Variants in MOK observed in about 807,000 individuals in gnomAD.
MOK encodes the protein MAPK/MAK/MRK overlapping kinase.
In MOK, 59 loss-of-function variants were observed where a neutral mutation model predicts 54.2. That is an observed-to-expected ratio of 1.09 (90% confidence interval 0.88 to 1.35). MOK has a LOEUF of 1.35. Among genes scored for constraint, MOK ranks in the 40% most tolerant of loss-of-function variants. The pLI is 0.00. For synonymous variants in MOK, 210 were observed against 202.7 expected (o/e 1.04, Z -0.31); for missense variants, 517 against 526.2 (o/e 0.98, Z 0.17).
At chr14:102,298,007 C>T (rs550433599) in intron 1 of MOK, among the ~76,000 whole-genome samples, 7 of 152,336 alleles carry the variant, frequency 4.6e-5, no homozygotes, top group East Asian at 3.9e-4. Flanking sequence ...CAAGCCTCCC[C>T]GAGGAGCACC....
intron 1 of MOK, among the ~76,000 whole-genome samples, chr14:102,297,316 T>C (rs2071539703): frequency 6.8e-6 from 1 of 146,180 alleles, no homozygotes; most frequent in Admixed American, 6.8e-5. Flanking sequence ...CAAGATTACG[T>C]CACTGCACTC....
At chr14:102,252,456 A>G (rs1206346434) in intron 4 of MOK, among the ~76,000 whole-genome samples, 1 of 149,528 alleles carries the variant, frequency 6.7e-6, no homozygotes, top group African/African-American at 2.4e-5. Context: ...ACTCCGTCCA[A>G]AAAAAAAAAA....
intron 1 of MOK, among the ~76,000 whole-genome samples, chr14:102,289,697 C>G (rs569592648): frequency 6.6e-6 from 1 of 152,044 alleles, no homozygotes; most frequent in East Asian, 1.9e-4. Context: ...ACCATGTTGG[C>G]CAGGCTGGTC....
At chr14:102,261,187 G>A (rs541565046) in intron 4 of MOK, among the ~76,000 whole-genome samples, 7 of 149,414 alleles carry the variant, frequency 4.7e-5, no homozygotes, top group African/African-American at 1.7e-4. Context: ...CACCTGGGAG[G>A]CAGAGGTTGC....
intron 1 of MOK, among the ~76,000 whole-genome samples, chr14:102,292,601 G>T (rs1487410225): frequency 6.6e-6 from 1 of 152,122 alleles, no homozygotes; most frequent in Non-Finnish European, 1.5e-5. Flanking sequence ...TCAAGCAGAT[G>T]TCTTTCTTCC....
chr14:102,243,092 T>A (rs1161820165), intron 7 of MOK, among the ~76,000 whole-genome samples: 1 of 152,210 alleles, frequency 6.6e-6, no homozygotes, highest in African/African-American at 2.4e-5. Context: ...CCCTCCCTGC[T>A]AATCATGTCT....
intron 2 of MOK, among the ~76,000 whole-genome samples, chr14:102,267,663 T>C (rs1597449835): frequency 6.6e-6 from 1 of 152,200 alleles, no homozygotes; most frequent in Non-Finnish European, 1.5e-5. Flanking sequence ...GAAAACAGAA[T>C]AGCCTGAAGA....
At chr14:102,219,618 G>A (rs902100170), downstream of MOK, among the ~76,000 whole-genome samples, 3 of 152,244 alleles carry the variant, frequency 2.0e-5, no homozygotes, top group African/African-American at 7.2e-5. Context: ...CTGACGGGCG[G>A]GCTCCAGGGA....
intron 2 of MOK, 107 bp downstream of exon 2, chr14:102,283,371 T>C (rs2069673325): frequency 3.0e-6 from 2 of 662,938 alleles, no homozygotes; most frequent in Non-Finnish European, 5.1e-6. Context: ...AATCTGATTG[T>C]ATCTTACATA....
chr14:102,288,170 T>C (rs2153179202), intron 1 of MOK, among the ~76,000 whole-genome samples: 1 of 152,306 alleles, frequency 6.6e-6, no homozygotes, highest in African/African-American at 2.4e-5. Flanking sequence ...GACCCAGCAA[T>C]TCCACTCCTA....
intron 7 of MOK, among the ~76,000 whole-genome samples, chr14:102,241,385 C>G (rs541581892): frequency 6.6e-6 from 1 of 152,202 alleles, no homozygotes; most frequent in African/African-American, 2.4e-5. Flanking sequence ...TACAGTTTCA[C>G]GTGGGGAGAC....
intron 7 of MOK, 78 bp from the exon 8 acceptor site, chr14:102,233,867 C>T (rs577297930): frequency 1.5e-5 from 16 of 1,062,722 alleles, no homozygotes; most frequent in East Asian, 7.1e-5. Context: ...CCATCTGGAC[C>T]GCACAAGGGG....
At chr14:102,267,519 T>C (rs576368779) in intron 2 of MOK, among the ~76,000 whole-genome samples, 11 of 152,286 alleles carry the variant, frequency 7.2e-5, no homozygotes, top group South Asian at 2.1e-4. Flanking sequence ...TAAGCCAAGA[T>C]TGTGCCATTG....
At chr14:102,257,916 G>A (rs922582644) in intron 4 of MOK, among the ~76,000 whole-genome samples, 1 of 151,088 alleles carries the variant, frequency 6.6e-6, no homozygotes, top group Non-Finnish European at 1.5e-5. Context: ...GGCAGAGGTC[G>A]CAGTGAGCAG....
At chr14:102,223,737 G>T (rs2064137606), downstream of MOK, 1 of 152,170 alleles carries the variant, frequency 6.6e-6, no homozygotes, top group Non-Finnish European at 1.5e-5. Context: ...GAACTGGTTG[G>T]TATGGAATTG....
In MOK at chr14:102,245,488, G is replaced by A. The variant is rs748655289; in HGVS notation, c.590+5324C>T. Among the ~76,000 whole-genome samples, 5 of 151,984 alleles carry A rather than the reference G, an allele frequency of 3.3e-5. No individual in the cohort carries two copies. The highest frequency in any genetic ancestry group is 1.9e-4 in the East Asian group (1 of 5,194). On this transcript the variant is annotated intron_variant, in intron 7 of 11. Transcript: ENST00000361847. The surrounding 1 kb of genome is among the most constrained non-coding windows in gnomAD (Gnocchi z 4.3). ...AATCACAAAAGAAGTGAAAATGGCC[G>A]GTCCCTGCCTTAACTGATATTTCCT...
intron 2 of MOK, among the ~76,000 whole-genome samples, chr14:102,279,017 A>G (rs2069147962): frequency 6.6e-6 from 1 of 152,210 alleles, no homozygotes; most frequent in Non-Finnish European, 1.5e-5. Flanking sequence ...CCCATTGTAT[A>G]AAGAAAGAAA....
intron 10 of MOK, 63 bp from the exon 11 acceptor site, chr14:102,229,720 A>C: frequency 7.1e-7 from 1 of 1,414,696 alleles, no homozygotes; most frequent in Non-Finnish European, 9.6e-7. Context: ...AATTAGGAAA[A>C]ACGAAAGAGG....
At chr14:102,216,517 C>A in the MOK span, among the ~76,000 whole-genome samples, 1 of 152,152 alleles carries the variant, frequency 6.6e-6, no homozygotes, top group African/African-American at 2.4e-5. Flanking sequence ...CAGGCTAGCA[C>A]TGAGTAGATT....
Sources: allele counts gnomAD v4.1 joint callset (sites outside exome capture counted in the v4.1 genomes callset), GRCh38; gene constraint gnomAD v4.1.1; non-coding constraint Gnocchi (gnomAD v3.1); transcripts MANE v1.5; gene names NCBI Gene and HGNC (gene_info 2026-07-23, HGNC 2026-07-21).